The following LSAMP variants were observed in gnomAD, a reference collection of about 807,000 sequenced individuals.
LSAMP encodes the protein limbic system associated membrane protein.
LSAMP carries 7 observed loss-of-function variants against 38.6 expected under a neutral mutation model. That is an observed-to-expected ratio of 0.18 (90% CI 0.10 to 0.34). LSAMP has a LOEUF of 0.34. LSAMP is among the 10% of genes least tolerant of loss of function. The pLI is 1.00. For synonymous variants in LSAMP, 154 were observed against 166.8 expected, an observed-to-expected ratio of 0.92 and a Z score of 0.59; for missense variants, 313 against 420.0, an observed-to-expected ratio of 0.75 and a Z score of 2.23.
At chr3:115,871,485 A>G (rs1936031220) in intron 3 of LSAMP, among the ~76,000 whole-genome samples, 1 of 152,086 alleles carries the variant, frequency 6.6e-6, no homozygotes. Context: ...AAATATTAGC[A>G]GTGCAGTGCT....
intron 1 of LSAMP, among the ~76,000 whole-genome samples, chr3:116,159,743 T>G (rs752576739): frequency 2.6e-5 from 4 of 152,182 alleles, no homozygotes; most frequent in East Asian, 1.9e-4. Context: ...CATAAAGGAA[T>G]GTAAATCATT....
Position 115,861,354 on chromosome 3 carries a change from A to G in LSAMP, c.515-8737T>C, listed in dbSNP as rs371911698. On this transcript the variant is annotated intron_variant, in intron 3 of 6. Coordinates refer to ENST00000490035, the MANE Select transcript of LSAMP (RefSeq NM_002338.5). ...ACACTGAGTACTAACGTGTATTTTGATGAGCCTTCCTGTGAATTACTGTGA... is the reference window on the plus strand; with the variant it reads ...ACACTGAGTACTAACGTGTATTTTGGTGAGCCTTCCTGTGAATTACTGTGA... 3.0e-3 allele frequency among the ~76,000 whole-genome samples: 451 copies of G among 152,138 alleles called. 6 individuals are homozygous for G. The highest frequency in any genetic ancestry group is 0.01 in the African/African-American group (429 of 41,502).
chr3:116,329,250 A>G (rs2047817269), intron 1 of LSAMP, among the ~76,000 whole-genome samples: 1 of 152,140 alleles, frequency 6.6e-6, no homozygotes, highest in African/African-American at 2.4e-5. Flanking sequence ...TTTTATTGCA[A>G]TTTTAGGGTT....
chr3:116,410,492 A>T (rs2048958079), intron 1 of LSAMP, among the ~76,000 whole-genome samples: 1 of 150,010 alleles, frequency 6.7e-6, no homozygotes. Context: ...CTAATTAGCC[A>T]TTTTTTTTTT....
intron 1 of LSAMP, among the ~76,000 whole-genome samples, chr3:116,437,286 A>G (rs2049366270): frequency 6.6e-6 from 1 of 152,082 alleles, no homozygotes. Context: ...ATAAAAGACA[A>G]CAAATATGGT....
intron 1 of LSAMP, among the ~76,000 whole-genome samples, chr3:116,119,081 C>T (rs1326140751): frequency 6.6e-6 from 1 of 152,026 alleles, no homozygotes; most frequent in Non-Finnish European, 1.5e-5. Flanking sequence ...TTATAAAATG[C>T]CATTTCACAT....
In LSAMP at chr3:115,848,822, C is replaced by T. The variant is rs146897368; in HGVS notation, c.649+3661G>A. ...TGGGAATGTCAGCTGTTCAATGGGGCGGGGACAGGCTTGAGAGCTGGGAGC... is the reference window on the plus strand; with the variant it reads ...TGGGAATGTCAGCTGTTCAATGGGGTGGGGACAGGCTTGAGAGCTGGGAGC... On this transcript the variant is annotated intron_variant, in intron 4 of 6. Coordinates refer to ENST00000490035, the MANE Select transcript of LSAMP (RefSeq NM_002338.5). 2.0e-4 allele frequency among the ~76,000 whole-genome samples: 31 copies of T among 152,148 alleles called. No individual in the cohort carries two copies. In the East Asian group the frequency reaches 5.6e-3, roughly 27 times the overall value.
At chr3:115,997,302 G>A (rs775969557) in intron 3 of LSAMP, among the ~76,000 whole-genome samples, 1 of 151,990 alleles carries the variant, frequency 6.6e-6, no homozygotes, top group African/African-American at 2.4e-5. Flanking sequence ...TGAATAAGAT[G>A]GACAATGTAC....
At chr3:115,936,626 G>A (rs1937710423) in intron 3 of LSAMP, among the ~76,000 whole-genome samples, 3 of 152,148 alleles carry the variant, frequency 2.0e-5, no homozygotes, top group Non-Finnish European at 4.4e-5. Flanking sequence ...TAGGTGATAA[G>A]AGAAGTAGCA....
chr3:115,832,251 C>T (rs1934635573), intron 6 of LSAMP, among the ~76,000 whole-genome samples: 1 of 152,058 alleles, frequency 6.6e-6, no homozygotes, highest in African/African-American at 2.4e-5. Flanking sequence ...AATGGGAAGG[C>T]AGAAAAAATC....
intron 3 of LSAMP, among the ~76,000 whole-genome samples, chr3:115,984,477 G>C (rs1239294967): frequency 6.6e-6 from 1 of 152,116 alleles, no homozygotes; most frequent in Non-Finnish European, 1.5e-5. Context: ...GTCTACTATA[G>C]GTACAAAGTG....
At chr3:116,157,903 A>G (rs1053853364) in intron 1 of LSAMP, among the ~76,000 whole-genome samples, 1 of 152,142 alleles carries the variant, frequency 6.6e-6, no homozygotes, top group African/African-American at 2.4e-5. Flanking sequence ...ACACAATAAA[A>G]AAAGAAAACT....
At chr3:115,986,346 C>A (rs565665112) in intron 3 of LSAMP, among the ~76,000 whole-genome samples, 4 of 152,058 alleles carry the variant, frequency 2.6e-5, no homozygotes, top group Non-Finnish European at 5.9e-5. Flanking sequence ...GCATAGTTAG[C>A]ACGAGTTGCT....
At chr3:116,248,487 GT>G (rs2046632122) in intron 1 of LSAMP, among the ~76,000 whole-genome samples, 1 of 86,050 alleles carries the variant, frequency 1.2e-5, no homozygotes, top group African/African-American at 6.1e-5. Context: ...ATGTGTGTGT[GT>G]GTGTGTGTGT....
At chr3:116,148,339 G>A (rs1311087529) in intron 1 of LSAMP, among the ~76,000 whole-genome samples, 1 of 151,866 alleles carries the variant, frequency 6.6e-6, no homozygotes, top group Non-Finnish European at 1.5e-5. Context: ...TCACACAGGT[G>A]ACTCCTGCTC....
intron 3 of LSAMP, among the ~76,000 whole-genome samples, chr3:115,969,861 G>C (rs7650247): frequency 0.28 from 42,135 of 151,940 alleles, 7,299 homozygotes; most frequent in African/African-American, 0.5. Flanking sequence ...ACTTTTTAAC[G>C]TCACATCATA....
At chr3:116,247,867 T>C (rs1021226258) in intron 1 of LSAMP, among the ~76,000 whole-genome samples, 3 of 152,236 alleles carry the variant, frequency 2.0e-5, no homozygotes, top group African/African-American at 7.2e-5. Flanking sequence ...TGAGACAGTT[T>C]AACATCACTT....
chr3:115,985,140 G>T (rs188952247), intron 3 of LSAMP, among the ~76,000 whole-genome samples: 6 of 152,104 alleles, frequency 3.9e-5, no homozygotes, highest in African/African-American at 1.4e-4. Flanking sequence ...TACAGAGGAA[G>T]GATTTATTGC....
chr3:116,368,105 TA>T (rs1201836492), intron 1 of LSAMP: 1 of 152,202 alleles, frequency 6.6e-6, no homozygotes, highest in Non-Finnish European at 1.5e-5. Flanking sequence ...GATAGGTTTT[TA>T]AAAATGCTGT....
Sources: gnomAD v4.1 joint callset for allele counts (sites outside exome capture counted in the v4.1 genomes callset) on GRCh38, gnomAD v4.1.1 for gene constraint, MANE v1.5 for transcripts, NCBI Gene and HGNC (gene_info 2026-07-23, HGNC 2026-07-21) for gene names.